Variants in STX6 observed in about 807,000 individuals in gnomAD.
The protein encoded by STX6 is syntaxin 6, also known as syntaxin-6.
Under a neutral mutation model 38.0 loss-of-function variants are expected in STX6, and 23 were observed. That is an observed-to-expected ratio of 0.60 (90% CI 0.43 to 0.86). The LOEUF (loss-of-function observed/expected upper bound fraction) is 0.86. Ranked by LOEUF, STX6 falls within the 40% of genes least tolerant of loss-of-function variation. The probability of loss-of-function intolerance (pLI) is 0.00; values close to 1 mark genes in which losing one functional copy is unlikely to be tolerated. For missense variants in STX6, 274 were observed against 312.9 expected, an observed-to-expected ratio of 0.88 and a Z score of 0.94; for synonymous variants, 123 against 107.5, an observed-to-expected ratio of 1.14 and a Z score of -0.89.
chr1:180,980,403 A>C (rs1426461014), intron 7 of STX6, among the ~76,000 whole-genome samples: 1 of 152,094 alleles, frequency 6.6e-6, no homozygotes, highest in Non-Finnish European at 1.5e-5. Flanking sequence ...GTGGGAATTC[A>C]AACTGGTACA....
At chr1:180,996,362 C>T (rs556022271) in intron 3 of STX6, among the ~76,000 whole-genome samples, 34 of 152,216 alleles carry the variant, frequency 2.2e-4, no homozygotes, top group African/African-American at 7.7e-4. Flanking sequence ...GAAGAGAGTT[C>T]AGTGAACAGA....
chr1:180,975,073 A>G lies in STX6; in HGVS notation c.*1497T>C, dbSNP rs183132656. 263 of 152,672 alleles carry G rather than the reference A, an allele frequency of 1.7e-3. 1 individual carries two copies. The highest frequency in any genetic ancestry group is 5.5e-3 in the African/African-American group (229 of 41,544). The allele number at this position is 152,672 out of a possible 1,614,324, so 9.5% of individuals were successfully genotyped here. A position where few individuals can be genotyped will look rare whatever the true frequency, so the allele number is the denominator to read the frequency against. ...GAAAAAACCAAAACCCCCAAATAAA[A>G]CCACATGAAATACAAACAAAACAAA... On this transcript the variant is annotated 3_prime_UTR_variant, in exon 8 of 8. Coordinates refer to ENST00000258301, the MANE Select transcript of STX6 (RefSeq NM_005819.6).
chr1:180,978,119 T>C (rs1655305058), intron 7 of STX6, among the ~76,000 whole-genome samples: 1 of 152,228 alleles, frequency 6.6e-6, no homozygotes, highest in South Asian at 2.1e-4. Context: ...ATAACTGGCA[T>C]TCTCTCATCT....
Position 180,984,607 on chromosome 1 carries a change from T to G in STX6, c.691+70A>C. 4 of 644,092 alleles carry G rather than the reference T, an allele frequency of 6.2e-6. No homozygotes were observed. In the South Asian group the frequency reaches 8.2e-5, roughly 13 times the overall value. The allele number at this position is 644,092 out of a possible 1,614,324, so 39.9% of individuals were successfully genotyped here. A position where few individuals can be genotyped will look rare whatever the true frequency, so the allele number is the denominator to read the frequency against. ...AAAGGGATCTGGATGGGCATAACTATGAGACAACACCCCCAAGACAGAGTT... is the reference window on the plus strand; with the variant it reads ...AAAGGGATCTGGATGGGCATAACTAGGAGACAACACCCCCAAGACAGAGTT... On this transcript the variant is annotated intron_variant, in intron 7 of 7. Transcript: ENST00000258301.
chr1:181,006,027 C>T lies in STX6; in HGVS notation c.36-564G>A, dbSNP rs553784837. Among the ~76,000 whole-genome samples the T allele has an allele frequency of 6.6e-4, 100 of 152,206 alleles. No individual in the cohort carries two copies. In the Middle Eastern group the frequency reaches 0.02, roughly 31 times the overall value. On this transcript the variant is annotated intron_variant, in intron 1 of 7. Transcript: ENST00000258301. ...TATTAGCTTTAAATATACCTACTTT[C>T]CTTAATTAAGCAATACCATATACCA... is the stretch of plus-strand genomic sequence containing the variant.
At chr1:181,011,983 T>C (rs982455107) in intron 1 of STX6, among the ~76,000 whole-genome samples, 1 of 152,226 alleles carries the variant, frequency 6.6e-6, no homozygotes, top group African/African-American at 2.4e-5. Flanking sequence ...TTATCCCTTA[T>C]CTTTATGTCT....
chr1:180,992,942 A>T (rs1180882714), intron 4 of STX6, among the ~76,000 whole-genome samples: 1 of 152,194 alleles, frequency 6.6e-6, no homozygotes, highest in Non-Finnish European at 1.5e-5. Context: ...AACAAACAAG[A>T]AACAAAAAAC....
chr1:180,976,140 G>A lies in STX6; in HGVS notation c.*430C>T, dbSNP rs1408713282. 6.3e-6 allele frequency: 1 copy of A among 158,768 alleles called. No individual in the cohort carries two copies. Among genetic ancestry groups the A allele is most frequent in the East Asian group, 1.8e-4 (1 of 5,630 alleles). 9.8% of individuals were successfully genotyped at this position (158,768 alleles called of 1,614,324 possible). ...TACCCAGAAGCTCGTATTCCTGACAGGTTTCTTTAGATGGGACAGCGGTGC... is the reference window on the plus strand; with the variant it reads ...TACCCAGAAGCTCGTATTCCTGACAAGTTTCTTTAGATGGGACAGCGGTGC... On this transcript the variant is annotated 3_prime_UTR_variant, in exon 8 of 8. Coordinates refer to ENST00000258301, the MANE Select transcript of STX6 (RefSeq NM_005819.6).
At chr1:181,002,362 C>T (rs1046915706) in intron 3 of STX6, among the ~76,000 whole-genome samples, 1 of 151,842 alleles carries the variant, frequency 6.6e-6, no homozygotes, top group Non-Finnish European at 1.5e-5. Flanking sequence ...TCATGTTGCC[C>T]GGACTGGTTT....
intron 1 of STX6, among the ~76,000 whole-genome samples, chr1:181,010,761 C>A (rs1386919163): frequency 6.6e-6 from 1 of 151,970 alleles, no homozygotes; most frequent in Non-Finnish European, 1.5e-5. Context: ...TTTTTTGGCA[C>A]CATCAGTGCA....
At chr1:180,988,155 G>A (rs977794007) in intron 6 of STX6, 84 bp downstream of exon 6, 18 of 913,186 alleles carry the variant, frequency 2.0e-5, no homozygotes, top group Non-Finnish European at 2.6e-5. Flanking sequence ...TACCAGCCAC[G>A]TAGCTGCCAG....
At chr1:181,007,890 T>C (rs1174191988) in intron 1 of STX6, among the ~76,000 whole-genome samples, 6 of 152,366 alleles carry the variant, frequency 3.9e-5, no homozygotes, top group African/African-American at 1.4e-4. Context: ...AAAAAAAATG[T>C]AGTGAGAATG....
chr1:181,009,470 C>CAAAAAAAAAAA (rs34469966), intron 1 of STX6, among the ~76,000 whole-genome samples: 1 of 105,434 alleles, frequency 9.5e-6, no homozygotes, highest in Non-Finnish European at 1.9e-5. Context: ...CTGTTGTTTC[C>CAAAAAAAAAAA]AAAAAAAAAA....
At chr1:180,981,649 G>C (rs1655419416) in intron 7 of STX6, among the ~76,000 whole-genome samples, 1 of 152,074 alleles carries the variant, frequency 6.6e-6, no homozygotes, top group African/African-American at 2.4e-5. Context: ...TTTCACCAAG[G>C]AGAAGCATAT....
At chr1:180,982,501 T>C (rs954368783) in intron 7 of STX6, among the ~76,000 whole-genome samples, 1 of 152,216 alleles carries the variant, frequency 6.6e-6, no homozygotes, top group African/African-American at 2.4e-5. Context: ...TGGGAAAAAG[T>C]AGAATAAAGC....
chr1:180,988,602 T>A, intron 5 of STX6: 1 of 368,952 alleles, frequency 2.7e-6, no homozygotes, highest in South Asian at 2.6e-5. Context: ...AGAGATTTAC[T>A]CTGGTTGGCT....
Position 181,005,531 on chromosome 1 carries a change from T to G in STX6, c.36-68A>C, listed in dbSNP as rs547684179. The G allele has an allele frequency of 6.7e-6, 10 of 1,496,398 alleles. No homozygotes were observed. In the African/African-American group the frequency reaches 1.2e-4, roughly 19 times the overall value. The allele number at this position is 1,496,398 out of a possible 1,614,324, so 92.7% of individuals were successfully genotyped here. ...TTCCATGGTCAAGTTACTGCATGAT[T>G]TAGGTTAACATTTATGATCATACAC... On this transcript the variant is annotated intron_variant, in intron 1 of 7. Coordinates refer to ENST00000258301, the MANE Select transcript of STX6 (RefSeq NM_005819.6).
intron 7 of STX6, among the ~76,000 whole-genome samples, chr1:180,980,323 A>G: frequency 9.4e-6 from 1 of 106,424 alleles, no homozygotes; most frequent in East Asian, 3.0e-4. Flanking sequence ...CACACCTATT[A>G]GAATGGTCAA....
intron 1 of STX6, among the ~76,000 whole-genome samples, chr1:181,013,898 C>T (rs1656480468): frequency 6.6e-6 from 1 of 152,174 alleles, no homozygotes; most frequent in Non-Finnish European, 1.5e-5. Flanking sequence ...TACATGTTAG[C>T]TCAGGGTAGC....
Sources: gnomAD v4.1 joint callset for allele counts (sites outside exome capture counted in the v4.1 genomes callset) on GRCh38, gnomAD v4.1.1 for gene constraint, MANE v1.5 for transcripts, NCBI Gene and HGNC (gene_info 2026-07-23, HGNC 2026-07-21) for gene names.